Variants in ABCB1 observed in about 807,000 individuals in gnomAD.
The protein encoded by ABCB1 is ATP binding cassette subfamily B member 1.
Under a neutral mutation model 142.0 loss-of-function variants are expected in ABCB1, and 69 were observed. That is an observed-to-expected ratio of 0.49 (90% CI 0.40 to 0.59). The LOEUF is 0.59. ABCB1 is among the 20% of genes least tolerant of loss of function. The pLI, the probability that ABCB1 is intolerant of heterozygous loss-of-function variation, is 0.00. For synonymous variants in ABCB1, 532 were observed against 539.2 expected, an observed-to-expected ratio of 0.99 and a Z score of 0.18; for missense variants, 1,326 against 1,554.7, an observed-to-expected ratio of 0.85 and a Z score of 2.47.
chr7:87,639,093 A>G (rs1296632345), intron 1 of ABCB1, among the ~76,000 whole-genome samples: 1 of 138,628 alleles, frequency 7.2e-6, no homozygotes, highest in Non-Finnish European at 1.5e-5. Context: ...CGGAGCTTGC[A>G]GTGAGAAGAG....
intron 20 of ABCB1, 110 bp downstream of exon 20, chr7:87,536,348 T>C (rs1230973210): frequency 1.4e-5 from 13 of 945,016 alleles, no homozygotes. Flanking sequence ...AGATATTTAT[T>C]CAACATTTTC....
chr7:87,548,345 A>G (rs531149485), intron 14 of ABCB1, among the ~76,000 whole-genome samples: 1 of 144,732 alleles, frequency 6.9e-6, no homozygotes, highest in African/African-American at 2.5e-5. Flanking sequence ...AGAGGGAGGG[A>G]TTGAGGGAGG....
At chr7:87,505,822 T>G (rs1378565160) in intron 27 of ABCB1, 75 bp downstream of exon 27, 2 of 1,562,282 alleles carry the variant, frequency 1.3e-6, no homozygotes, top group Non-Finnish European at 1.8e-6. Context: ...CTGCATTTTG[T>G]TCTTTACTAT....
chr7:87,640,965 C>G (rs1197546927), intron 1 of ABCB1, among the ~76,000 whole-genome samples: 1 of 152,126 alleles, frequency 6.6e-6, no homozygotes, highest in African/African-American at 2.4e-5. Flanking sequence ...GTATTACTCA[C>G]ATTTATCTTA....
At chr7:87,585,225 TCTAATTAAGTTC>T (rs1421322159) in intron 4 of ABCB1, among the ~76,000 whole-genome samples, 2 of 152,222 alleles carry the variant, frequency 1.3e-5, no homozygotes, top group Non-Finnish European at 2.9e-5. Flanking sequence ...CATTCAAGGT[TCTAATTAAGTTC>T]CTATATTTCT....
chr7:87,515,368 C>T lies in ABCB1; in HGVS notation c.3145G>A (p.Asp1049Asn). The change falls in exon 25 of 28, where the codon GAC becomes AAC. Residue 1049 changes from aspartate to asparagine, a missense_variant. By Grantham distance (23) the Asp-to-Asn change is conservative. Coordinates refer to ENST00000622132, the MANE Select transcript of ABCB1 (RefSeq NM_001348946.2). ...EVVFNYPTRP[D>N]IPVLQGLSLE... Reference sequence around the variant, plus strand: ...CTCAGTCCCTGAAGCACTGGGATGTCCGGTCGGGTGGGATAGTTGAATACA... The same window carrying T: ...CTCAGTCCCTGAAGCACTGGGATGTTCGGTCGGGTGGGATAGTTGAATACA... 1 of 1,614,156 alleles carries T rather than the reference C, an allele frequency of 6.2e-7. No homozygotes were observed. The highest frequency in any genetic ancestry group is 8.5e-7 in the Non-Finnish European group (1 of 1,180,008).
At chr7:87,627,658 G>C (rs1820747086) in intron 1 of ABCB1, 1 of 152,278 alleles carries the variant, frequency 6.6e-6, no homozygotes, top group Non-Finnish European at 1.5e-5. Flanking sequence ...CCGAACACGC[G>C]CGTCGAGGAG....
intron 21 of ABCB1, among the ~76,000 whole-genome samples, chr7:87,524,784 AAAG>A (rs1386224050): frequency 6.6e-6 from 1 of 152,192 alleles, no homozygotes; most frequent in Non-Finnish European, 1.5e-5. Flanking sequence ...GCAAAAAAAA[AAAG>A]AAATATTTCT....
intron 1 of ABCB1, among the ~76,000 whole-genome samples, chr7:87,608,778 T>G (rs894360746): frequency 2.0e-5 from 3 of 152,216 alleles, no homozygotes; most frequent in Non-Finnish European, 4.4e-5. Context: ...CTCACTTATT[T>G]CTTTAGAACA....
chr7:87,613,118 T>C (rs1819913424), intron 1 of ABCB1, among the ~76,000 whole-genome samples: 1 of 151,704 alleles, frequency 6.6e-6, no homozygotes, highest in African/African-American at 2.4e-5. Flanking sequence ...ACATTGATTT[T>C]GTAACCTGAG....
At position 87,512,636 on chromosome 7, in the gene ABCB1, A is replaced by G. The variant is rs550227388; in HGVS notation, c.3282+2595T>C. Among the ~76,000 whole-genome samples, 29 of 152,316 alleles carry G rather than the reference A, an allele frequency of 1.9e-4. No homozygotes were observed. The South Asian group carries it at 5.6e-3, about 29-fold the overall frequency. ...TCCACAGACTCATTTTTACATGGCA[A>G]TAAAAACTAATTAGTAGTAATCCAC... On this transcript the variant is annotated intron_variant, in intron 25 of 27. Coordinates refer to ENST00000622132, the MANE Select transcript of ABCB1 (RefSeq NM_001348946.2).
chr7:87,650,767 T>C (rs1462964958), intron 1 of ABCB1: 2 of 1,076,528 alleles, frequency 1.9e-6, no homozygotes, highest in Non-Finnish European at 2.9e-6. Context: ...ATTTTTTTCA[T>C]ACTTAGGGAA....
rs1814910127 is a variant in ABCB1, at chr7:87,509,496, T to A, written c.3283-15A>T. On this transcript the variant is annotated splice_polypyrimidine_tract_variant and intron_variant, in intron 25 of 27. Transcript: ENST00000622132. ...CCATCAAGCAGCTGAAAACAAGAGT[T>A]CACAGATCAACTTCAGGACCAGCAC... The A allele has an allele frequency of 6.2e-7, 1 of 1,613,288 alleles. No individual in the cohort carries two copies. The highest frequency in any genetic ancestry group is 1.7e-5 in the Admixed American group (1 of 59,996).
intron 1 of ABCB1, among the ~76,000 whole-genome samples, chr7:87,621,858 A>G (rs1219324587): frequency 6.6e-6 from 1 of 152,114 alleles, no homozygotes; most frequent in Non-Finnish European, 1.5e-5. Context: ...TCTTTATTAA[A>G]ATGCAACCTT....
chr7:87,664,104 C>T lies in ABCB1; in HGVS notation c.-331+49057G>A, dbSNP rs532258019. Among the ~76,000 whole-genome samples the T allele has an allele frequency of 2.0e-5, 3 of 152,150 alleles. No homozygotes were observed. In the South Asian group the frequency reaches 6.2e-4, roughly 32 times the overall value. Reference sequence around the variant, plus strand: ...CTATTGGCTTACATGTTTATATCTTCTTGTCTCTGTGCACTTTGAGGAAAG... The same window carrying T: ...CTATTGGCTTACATGTTTATATCTTTTTGTCTCTGTGCACTTTGAGGAAAG... On this transcript the variant is annotated intron_variant, in intron 1 of 28. Coordinates refer to the ABCB1 transcript ENST00000265724.
intron 1 of ABCB1, among the ~76,000 whole-genome samples, chr7:87,698,677 G>C (rs1467602299): frequency 6.6e-6 from 1 of 152,150 alleles, no homozygotes; most frequent in African/African-American, 2.4e-5. Flanking sequence ...AGTGCCTACT[G>C]TGAGCCAAGT....
chr7:87,568,641 C>G (rs1455036591), intron 5 of ABCB1, among the ~76,000 whole-genome samples: 1 of 152,180 alleles, frequency 6.6e-6, no homozygotes, highest in East Asian at 1.9e-4. Flanking sequence ...CAGCACTCAG[C>G]CCATCAGGAA....
intron 25 of ABCB1, among the ~76,000 whole-genome samples, chr7:87,514,509 T>C (rs1487197937): frequency 6.6e-6 from 1 of 152,186 alleles, no homozygotes; most frequent in Non-Finnish European, 1.5e-5. Flanking sequence ...CTACTTTTTT[T>C]TCCTCAGATG....
intron 1 of ABCB1, among the ~76,000 whole-genome samples, chr7:87,695,384 A>G (rs1461905988): frequency 1.3e-5 from 2 of 152,128 alleles, no homozygotes; most frequent in East Asian, 1.9e-4. Context: ...TTTATAAATT[A>G]GCAGTAAGAA....
Sources: gnomAD v4.1 joint callset for allele counts (sites outside exome capture counted in the v4.1 genomes callset) on GRCh38, gnomAD v4.1.1 for gene constraint, MANE v1.5 for transcripts, NCBI Gene and HGNC (gene_info 2026-07-23, HGNC 2026-07-21) for gene names.